The following FXYD3 variants were observed in gnomAD, a reference collection of about 807,000 sequenced individuals.
FXYD3 encodes the protein FXYD domain containing ion transport regulator 3.
A neutral mutation model predicts 19.2 loss-of-function variants in FXYD3; 13 were observed. The observed-to-expected ratio is 0.68, with a 90% CI of 0.44 to 1.08. FXYD3 has a LOEUF of 1.08. Among genes scored for constraint, FXYD3 ranks in the 50% least tolerant of loss-of-function variants. FXYD3 has a pLI of 0.00. For synonymous variants in FXYD3, 48 were observed against 38.9 expected (o/e 1.23, Z -0.87); for missense variants, 101 against 109.4 (o/e 0.92, Z 0.34).
chr19:35,122,014 A>G (rs1286111518), intron 5 of FXYD3, among the ~76,000 whole-genome samples: 1 of 152,088 alleles, frequency 6.6e-6, no homozygotes, highest in Non-Finnish European at 1.5e-5. Flanking sequence ...TATACTTTGT[A>G]GAGATGGGTT....
Position 35,117,002 on chromosome 19 carries a change from G to T in FXYD3, c.-15+643G>T, listed in dbSNP as rs985683104. 8 of 985,290 alleles carry T rather than the reference G, an allele frequency of 8.1e-6. No individual in the cohort carries two copies. In the African/African-American group the frequency reaches 1.4e-4, roughly 17 times the overall value. The allele number at this position is 985,290 out of a possible 1,614,324, so 61.0% of individuals were successfully genotyped here. On this transcript the variant is annotated intron_variant, in intron 2 of 8. Transcript: ENST00000604404. ...TTCTCCCATGGTATGGAGGAATAGA[G>T]GGGATAGCAGAGGGCAGGTGGGGGA...
intron 2 of FXYD3, chr19:35,117,092 T>C (rs1412798993): frequency 1.0e-6 from 1 of 985,278 alleles, no homozygotes; most frequent in Non-Finnish European, 1.2e-6. Flanking sequence ...AGACAGAGCA[T>C]CAGCTGCAGG....
chr19:35,121,375 A>T, intron 5 of FXYD3, 130 bp downstream of exon 5: 1 of 1,607,422 alleles, frequency 6.2e-7, no homozygotes, highest in South Asian at 1.1e-5. Context: ...GGATGGGGTT[A>T]CTGAATATGC....
rs34076946 is a variant in FXYD3 at position 35,122,150 on chromosome 19, A to ATT, written c.98-604_98-603dup. Among the ~76,000 whole-genome samples, 339 of 148,806 alleles carry ATT rather than the reference A, an allele frequency of 2.3e-3. 2 individuals carry two copies. Among genetic ancestry groups the ATT allele is most frequent in the Middle Eastern group, 0.011 (3 of 280 alleles). On this transcript the variant is annotated intron_variant, in intron 5 of 8. Transcript: ENST00000604404. ...AACTGCTTTTAATGGCAAAAATGCA[A>ATT]TTTTTTTTTTTTGAGGCAGAATTTT...
chr19:35,116,495 G>T (rs1478947107), intron 2 of FXYD3, 136 bp downstream of exon 2: 3 of 985,368 alleles, frequency 3.0e-6, no homozygotes, highest in Non-Finnish European at 3.6e-6. Context: ...ATGCTTTTCT[G>T]GAGCCAGGAG....
chr19:35,123,218 A>C (rs939749285), intron 7 of FXYD3, 53 bp from the exon 8 acceptor site: 2 of 1,543,042 alleles, frequency 1.3e-6, no homozygotes, highest in South Asian at 2.5e-5. Context: ...CTCTATCCGG[A>C]GGGAGAGGGC....
intron 2 of FXYD3, among the ~76,000 whole-genome samples, chr19:35,117,787 C>T (rs1006954343): frequency 1.8e-4 from 12 of 65,448 alleles, no homozygotes; most frequent in African/African-American, 6.6e-4. Context: ...GATGCTCCAA[C>T]TAAAATTGTG....
chr19:35,122,659 A>G, intron 5 of FXYD3, 106 bp from the exon 6 acceptor site: 1 of 907,882 alleles, frequency 1.1e-6, no homozygotes, highest in Non-Finnish European at 1.8e-6. Flanking sequence ...CGGTGTCCCC[A>G]GCACCCTGTG....
intron 2 of FXYD3, chr19:35,117,046 C>T: frequency 1.0e-6 from 1 of 985,324 alleles, no homozygotes; most frequent in Non-Finnish European, 1.2e-6. Flanking sequence ...TCAGGCCGGC[C>T]TTGGGACCTC....
rs542515157 is a variant in FXYD3 at position 35,116,371 on chromosome 19, G to A, written c.-15+12G>A. 17 of 985,440 alleles carry A rather than the reference G, an allele frequency of 1.7e-5. No individual in the cohort carries two copies. The Admixed American group carries it at 1.0e-3, about 61-fold the overall frequency. 61.0% of individuals were successfully genotyped at this position (985,440 alleles called of 1,614,324 possible). On this transcript the variant is annotated intron_variant, in intron 2 of 8. Coordinates refer to ENST00000604404, the MANE Select transcript of FXYD3 (RefSeq NM_005971.4). ...GGTGAACCACACAGGTGAGCAGCTG[G>A]GGCCCCTTCCTCCAAGCCCTCCTTG... is the stretch of plus-strand genomic sequence containing the variant.
At chr19:35,119,544 A>T (rs1320907854) in intron 3 of FXYD3, 128 bp downstream of exon 3, 5 of 816,138 alleles carry the variant, frequency 6.1e-6, no homozygotes, top group Non-Finnish European at 1.0e-5. Flanking sequence ...CATCTCCCTG[A>T]GGGTAAGAAA....
At chr19:35,117,395 A>C in intron 2 of FXYD3, 1 of 1,466,428 alleles carries the variant, frequency 6.8e-7, no homozygotes, top group Non-Finnish European at 9.0e-7. Flanking sequence ...CTCAACAGCC[A>C]TGGCGACAGA....
At chr19:35,117,509 G>A (rs1027979488) in intron 2 of FXYD3, 2 of 865,254 alleles carry the variant, frequency 2.3e-6, no homozygotes, top group African/African-American at 3.5e-5. Context: ...GAGCGAGTAA[G>A]TGGGAAGCTG....
Position 35,119,458 on chromosome 19 carries a change from T to G in FXYD3, c.40+42T>G, listed in dbSNP as rs773087908. 1.9e-6 allele frequency: 3 copies of G among 1,548,244 alleles called. No homozygotes were observed. The African/African-American group carries it at 4.1e-5, about 21-fold the overall frequency. ...CGTCTGCCTTTTCCTCTGGATCCCC[T>G]GGATGCGGGGATCCAACCTCTGTCT... On this transcript the variant is annotated intron_variant, in intron 3 of 8. Coordinates refer to ENST00000604404, the MANE Select transcript of FXYD3 (RefSeq NM_005971.4).
rs751966616 is a variant in FXYD3 at position 35,119,350 on chromosome 19, G to A, written c.-14-13G>A. ...TGGCTCTGCTAAGGCCAGACCTCCCGCCACCCCTCTAGGCCAGCGCTCTGA... is the reference window on the plus strand; with the variant it reads ...TGGCTCTGCTAAGGCCAGACCTCCCACCACCCCTCTAGGCCAGCGCTCTGA... On this transcript the variant is annotated splice_polypyrimidine_tract_variant and intron_variant, in intron 2 of 8. Transcript: ENST00000604404. 147 of 1,613,854 alleles carry A rather than the reference G, an allele frequency of 9.1e-5. No individual in the cohort carries two copies. The highest frequency in any genetic ancestry group is 1.1e-4 in the Non-Finnish European group (129 of 1,179,876).
At position 35,121,089 on chromosome 19, in the gene FXYD3, C is replaced by G. The variant is rs754479805; in HGVS notation, c.52C>G (p.Leu18Val). 3 of 1,612,870 alleles carry G rather than the reference C, an allele frequency of 1.9e-6. No individual in the cohort carries two copies. Among genetic ancestry groups the G allele is most frequent in the Non-Finnish European group, 2.5e-6 (3 of 1,180,052 alleles). The change falls in exon 4 of 9, where the codon CTG becomes GTG. Residue 18 changes from leucine (L) to valine (V), a missense_variant. Leu to Val is a conservative substitution (Grantham distance 32). Transcript: ENST00000604404. ...LLVFLAGFPV[L>V]DANDLEDKNS... ...TCTTCTCCCACTAGGCTTTCCTGTC[C>G]TGGACGCCAATGACCTAGAAGGTGA...
intron 2 of FXYD3, chr19:35,118,652 AC>A: frequency 1.2e-6 from 1 of 865,580 alleles, no homozygotes; most frequent in Non-Finnish European, 1.4e-6. Context: ...CAGGGCTGGG[AC>A]CGGGAAGGGC....
At chr19:35,117,757 C>CAAAAAAAAAAAAAAAAAAAAA (rs67977522) in intron 2 of FXYD3, among the ~76,000 whole-genome samples, 6 of 65,696 alleles carry the variant, frequency 9.1e-5, no homozygotes, top group Admixed American at 4.3e-4. Context: ...TTTCTTCCCG[C>CAAAAAAAAAAAAAAAAAAAAA]AAAAAAAGGA....
At chr19:35,123,011 A>G (rs1288623913) in intron 7 of FXYD3, 57 bp downstream of exon 7, 20 of 1,527,924 alleles carry the variant, frequency 1.3e-5, no homozygotes, top group Non-Finnish European at 7.0e-6. Context: ...TTCAGGGTGA[A>G]AGGGCTAACT....
Sources: allele counts gnomAD v4.1 joint callset (sites outside exome capture counted in the v4.1 genomes callset), GRCh38; gene constraint gnomAD v4.1.1; transcripts MANE v1.5; gene names NCBI Gene and HGNC (gene_info 2026-07-23, HGNC 2026-07-21).